Variants in RABGAP1L observed in about 807,000 individuals in gnomAD.
RABGAP1L encodes RAB GTPase activating protein 1 like, also known as rab GTPase-activating protein 1-like.
A neutral mutation model predicts 137.7 loss-of-function variants in RABGAP1L; 63 were observed. That is an observed-to-expected ratio of 0.46 (90% confidence interval 0.37 to 0.56). The LOEUF (loss-of-function observed/expected upper bound fraction) is 0.56. Ranked by LOEUF, RABGAP1L falls within the 20% of genes least tolerant of loss-of-function variation. RABGAP1L has a pLI of 0.00. For synonymous variants in RABGAP1L, 431 were observed against 433.7 expected, an observed-to-expected ratio of 0.99 and a Z score of 0.08; for missense variants, 1,095 against 1,244.0, an observed-to-expected ratio of 0.88 and a Z score of 1.80.
chr1:174,803,478 C>A (rs957449612), intron 18 of RABGAP1L, among the ~76,000 whole-genome samples: 1 of 152,132 alleles, frequency 6.6e-6, no homozygotes, highest in Non-Finnish European at 1.5e-5. Context: ...TTTCTAAAGC[C>A]TGTGCTTTCA....
chr1:174,516,353 A>G (rs906903821), intron 13 of RABGAP1L, among the ~76,000 whole-genome samples: 1 of 152,098 alleles, frequency 6.6e-6, no homozygotes, highest in Non-Finnish European at 1.5e-5. Flanking sequence ...CTTTACTACA[A>G]TTCTCACCAA....
At chr1:174,687,889 G>A (rs1168778525) in intron 15 of RABGAP1L, among the ~76,000 whole-genome samples, 1 of 152,138 alleles carries the variant, frequency 6.6e-6, no homozygotes. Flanking sequence ...TGAATTTTTA[G>A]GATTTTTTCG....
At chr1:174,183,867 C>CTTTTTTT (rs772022782) in intron 1 of RABGAP1L, among the ~76,000 whole-genome samples, 1 of 130,536 alleles carries the variant, frequency 7.7e-6, no homozygotes, top group Admixed American at 8.2e-5. Flanking sequence ...TTCAGATTGG[C>CTTTTTTT]TTTTTTTTTT....
At chr1:174,201,351 C>A (rs1668084696) in intron 1 of RABGAP1L, among the ~76,000 whole-genome samples, 1 of 151,792 alleles carries the variant, frequency 6.6e-6, no homozygotes, top group South Asian at 2.1e-4. Flanking sequence ...CACCCACCAC[C>A]ACACCCGGCT....
intron 14 of RABGAP1L, among the ~76,000 whole-genome samples, chr1:174,659,496 C>G (rs954988193): frequency 6.6e-5 from 10 of 152,180 alleles, no homozygotes; most frequent in African/African-American, 2.4e-4. Flanking sequence ...CACTTGGCTT[C>G]TACTACTTTT....
intron 11 of RABGAP1L, among the ~76,000 whole-genome samples, chr1:174,363,695 G>A (rs1457400755): frequency 6.6e-6 from 1 of 151,864 alleles, no homozygotes; most frequent in Non-Finnish European, 1.5e-5. Flanking sequence ...GTCATATTTG[G>A]CTTTTGTTAT....
chr1:174,827,255 A>G (rs1691659154), intron 19 of RABGAP1L, among the ~76,000 whole-genome samples: 1 of 152,128 alleles, frequency 6.6e-6, no homozygotes, highest in African/African-American at 2.4e-5. Context: ...AACGATCCTC[A>G]TGGCTTAGCC....
intron 12 of RABGAP1L, among the ~76,000 whole-genome samples, chr1:174,383,576 C>G (rs1054810560): frequency 1.3e-5 from 2 of 152,212 alleles, no homozygotes; most frequent in African/African-American, 4.8e-5. Context: ...TCACCGCTTT[C>G]TTTGACTGGG....
At chr1:174,615,594 TGCTGTCTTCAAA>T (rs1671755750) in intron 13 of RABGAP1L, among the ~76,000 whole-genome samples, 1 of 152,212 alleles carries the variant, frequency 6.6e-6, no homozygotes, top group Non-Finnish European at 1.5e-5. Flanking sequence ...AGAGAACCAC[TGCTGTCTTCAAA>T]GCTGTCAGAC....
In RABGAP1L at chr1:174,288,819, C is replaced by T. The variant is rs374108607; in HGVS notation, c.1323+10040C>T. Among the ~76,000 whole-genome samples the T allele has an allele frequency of 2.4e-4, 36 of 152,186 alleles. No homozygotes were observed. The East Asian group carries it at 5.2e-3, about 22-fold the overall frequency. ...GTCTCTTTATCTGTCTCTTTTCCTT[C>T]GGATACTTCTGGAATGCTTATGTTG... On this transcript the variant is annotated intron_variant, in intron 10 of 25. Coordinates refer to ENST00000681986, the MANE Select transcript of RABGAP1L (RefSeq NM_001366446.1).
intron 16 of RABGAP1L, 69 bp from the exon 17 acceptor site, chr1:174,702,044 T>C: frequency 1.4e-6 from 2 of 1,444,540 alleles, no homozygotes; most frequent in Non-Finnish European, 1.9e-6. Flanking sequence ...AAGTTGCAGT[T>C]GTGGCAGGAA....
At chr1:174,686,586 A>G (rs911797748) in intron 15 of RABGAP1L, among the ~76,000 whole-genome samples, 4 of 149,134 alleles carry the variant, frequency 2.7e-5, no homozygotes, top group African/African-American at 9.8e-5. Context: ...CTTTATAATT[A>G]CTTGGATGAG....
chr1:174,749,323 T>C (rs185972382), intron 17 of RABGAP1L, among the ~76,000 whole-genome samples: 39 of 152,118 alleles, frequency 2.6e-4, no homozygotes, highest in African/African-American at 8.9e-4. Flanking sequence ...TCTGTTCTTT[T>C]CTTTCTTTCT....
At chr1:174,620,592 C>A (rs1447238590) in intron 13 of RABGAP1L, among the ~76,000 whole-genome samples, 1 of 151,998 alleles carries the variant, frequency 6.6e-6, no homozygotes, top group African/African-American at 2.4e-5. Context: ...CCAACGAGAA[C>A]AAAGACACAA....
chr1:174,957,404 T>C, intron 19 of RABGAP1L, 53 bp from the exon 20 acceptor site: 1 of 1,448,368 alleles, frequency 6.9e-7, no homozygotes, highest in Non-Finnish European at 9.7e-7. Flanking sequence ...CACCTGAATT[T>C]TTTTTCATAA....
intron 11 of RABGAP1L, among the ~76,000 whole-genome samples, chr1:174,339,470 T>C (rs12057138): frequency 0.11 from 16,057 of 152,172 alleles, 2,826 homozygotes; most frequent in African/African-American, 0.36. Flanking sequence ...GTCCCGAATG[T>C]CTAATTCAGG....
chr1:174,596,835 A>T (rs1669972479), intron 13 of RABGAP1L, among the ~76,000 whole-genome samples: 4 of 151,978 alleles, frequency 2.6e-5, no homozygotes, highest in Admixed American at 6.6e-5. Context: ...GCATATGTAG[A>T]TGTGGTTCTT....
intron 13 of RABGAP1L, among the ~76,000 whole-genome samples, chr1:174,599,525 A>T (rs951985650): frequency 2.0e-5 from 3 of 152,210 alleles, no homozygotes; most frequent in Admixed American, 6.5e-5. Flanking sequence ...AGGATAGGTC[A>T]GCAATTAATG....
At chr1:174,387,165 A>G in intron 12 of RABGAP1L, among the ~76,000 whole-genome samples, 1 of 152,228 alleles carries the variant, frequency 6.6e-6, no homozygotes, top group East Asian at 1.9e-4. Context: ...TAACAAAGTA[A>G]CTGAAACACT....
Sources: allele counts gnomAD v4.1 joint callset (sites outside exome capture counted in the v4.1 genomes callset), GRCh38; gene constraint gnomAD v4.1.1; transcripts MANE v1.5; gene names NCBI Gene and HGNC (gene_info 2026-07-23, HGNC 2026-07-21).